RBFOX1: variants seen among roughly 807,000 people sequenced by gnomAD.
The protein encoded by RBFOX1 is RNA binding protein fox-1 homolog 1.
Under a neutral mutation model 57.7 loss-of-function variants are expected in RBFOX1, and 8 were observed. The ratio of observed to expected loss-of-function variants is 0.14; its 90% CI spans 0.08 to 0.25. The LOEUF (loss-of-function observed/expected upper bound fraction) is 0.25. Among genes scored for constraint, RBFOX1 ranks in the 10% least tolerant of loss-of-function variants. The probability of loss-of-function intolerance (pLI) is 1.00; values close to 1 mark genes in which losing one functional copy is unlikely to be tolerated. For missense variants in RBFOX1, 611 were observed against 548.5 expected, an observed-to-expected ratio of 1.11 and a Z score of -1.14; for synonymous variants, 326 against 222.4, an observed-to-expected ratio of 1.47 and a Z score of -4.15.
intron 3 of RBFOX1, among the ~76,000 whole-genome samples, chr16:5,785,042 T>C (rs2054453477): frequency 6.6e-6 from 1 of 152,216 alleles, no homozygotes; most frequent in Admixed American, 6.5e-5. Context: ...TGTGTCAACA[T>C]TGTTAGCCAT....
At position 5,339,470 on chromosome 16, in the gene RBFOX1, G is replaced by GTTTTTTTTTTTTTTTTTTT. The variant is rs560472298; in HGVS notation, c.219+99377_219+99395dup. ...AAAAGCTAGAAGCTGCTTTTTCCGTGTTTTTTTTTTTTTTTTTTTTTTTTT... is the reference window on the plus strand; with the variant it reads ...AAAAGCTAGAAGCTGCTTTTTCCGTGTTTTTTTTTTTTTTTTTTTTTTTTTTTTTTTTTTTTTTTTTTTT... On this transcript the variant is annotated intron_variant, in intron 1 of 2. Transcript: ENST00000585867. Among the ~76,000 whole-genome samples the GTTTTTTTTTTTTTTTTTTT allele has an allele frequency of 2.2e-3, 88 of 40,888 alleles. 29 individuals carry two copies. The highest frequency in any genetic ancestry group is 4.0e-3 in the South Asian group (2 of 498). 26.8% of individuals were successfully genotyped at this position (40,888 alleles called of 152,430 possible).
intron 1 of RBFOX1, among the ~76,000 whole-genome samples, chr16:5,409,250 C>G (rs1314177527): frequency 1.3e-5 from 2 of 152,196 alleles, no homozygotes; most frequent in African/African-American, 4.8e-5. Flanking sequence ...CTGTGTGTGG[C>G]TGCGATGGAC....
chr16:6,795,945 A>T (rs1460854878), intron 3 of RBFOX1, among the ~76,000 whole-genome samples: 1 of 152,154 alleles, frequency 6.6e-6, no homozygotes, highest in African/African-American at 2.4e-5. Context: ...ACATTGAGAA[A>T]CATTGGGATA....
At chr16:7,305,170 T>G (rs2096148809) in intron 4 of RBFOX1, among the ~76,000 whole-genome samples, 1 of 151,910 alleles carries the variant, frequency 6.6e-6, no homozygotes, top group African/African-American at 2.4e-5. Context: ...TTCTCCTTAG[T>G]GGTCTTGCTG....
At chr16:5,991,052 T>A (rs2060385215) in intron 4 of RBFOX1, among the ~76,000 whole-genome samples, 2 of 152,206 alleles carry the variant, frequency 1.3e-5, no homozygotes, top group South Asian at 4.1e-4. Context: ...AATGGAAAAT[T>A]CTTGTGAAAC....
At chr16:5,762,356 GAAA>G (rs35715399) in intron 3 of RBFOX1, among the ~76,000 whole-genome samples, 5 of 145,770 alleles carry the variant, frequency 3.4e-5, no homozygotes, top group African/African-American at 7.5e-5. Flanking sequence ...CGAACAAAAA[GAAA>G]AAAAAAAAAA....
rs148057576 is a variant in RBFOX1 at position 7,367,520 on chromosome 16, C to G, written c.28-150627C>G. On this transcript the variant is annotated intron_variant, in intron 4 of 15. Coordinates refer to ENST00000550418, the MANE Select transcript of RBFOX1 (RefSeq NM_018723.4). ...AGAAGTGACCCTCTGCCTATATCAT[C>G]GTGAAACATCTCTTCCAGGTTTGCA... Among the ~76,000 whole-genome samples the G allele has an allele frequency of 4.8e-3, 736 of 152,260 alleles. 6 individuals carry two copies. Among genetic ancestry groups the G allele is most frequent in the African/African-American group, 0.017 (692 of 41,550 alleles).
intron 2 of RBFOX1, among the ~76,000 whole-genome samples, chr16:6,381,181 A>G (rs1596371534): frequency 6.6e-6 from 1 of 152,146 alleles, no homozygotes; most frequent in South Asian, 2.1e-4. Context: ...TTTTTGTTGC[A>G]TTTTATTTTT....
chr16:5,827,832 G>A lies in RBFOX1; in HGVS notation c.319-39471G>A, dbSNP rs889397625. On this transcript the variant is annotated intron_variant, in intron 3 of 19. Coordinates refer to the RBFOX1 transcript ENST00000641259. ...ATTCATCCACTCACCCATCCACCTG[G>A]CCATCCATCCATCCACCCACCCACT... is the stretch of plus-strand genomic sequence containing the variant. Among the ~76,000 whole-genome samples the A allele has an allele frequency of 3.6e-4, 54 of 150,242 alleles. 1 individual carries two copies. The highest frequency in any genetic ancestry group is 2.7e-4 in the Admixed American group (4 of 15,084).
intron 4 of RBFOX1, among the ~76,000 whole-genome samples, chr16:7,233,553 C>G (rs931767247): frequency 7.9e-5 from 12 of 152,142 alleles, no homozygotes; most frequent in African/African-American, 2.7e-4. Context: ...GAAAATTTTA[C>G]AAAGTCTATT....
intron 4 of RBFOX1, among the ~76,000 whole-genome samples, chr16:7,253,745 C>T (rs1157495817): frequency 6.6e-6 from 1 of 152,184 alleles, no homozygotes; most frequent in Non-Finnish European, 1.5e-5. Context: ...TCTATGGAGC[C>T]TCTCGTTACT....
intron 3 of RBFOX1, among the ~76,000 whole-genome samples, chr16:6,730,254 C>G (rs979159335): frequency 2.6e-5 from 4 of 152,086 alleles, no homozygotes; most frequent in Non-Finnish European, 5.9e-5. Flanking sequence ...GATGGTAGAA[C>G]CGTACACCAG....
chr16:6,795,136 A>T (rs990834767), intron 3 of RBFOX1, among the ~76,000 whole-genome samples: 5 of 152,186 alleles, frequency 3.3e-5, no homozygotes, highest in African/African-American at 1.2e-4. Context: ...CAGAAAGCCA[A>T]GTTCTGTTGA....
chr16:7,180,801 C>A (rs1353721811), intron 4 of RBFOX1, among the ~76,000 whole-genome samples: 1 of 151,206 alleles, frequency 6.6e-6, no homozygotes, highest in Non-Finnish European at 1.5e-5. Flanking sequence ...TTATTTTAAG[C>A]ATCAAGGTTA....
intron 1 of RBFOX1, among the ~76,000 whole-genome samples, chr16:6,263,679 G>C (rs1010575314): frequency 6.6e-6 from 1 of 152,124 alleles, no homozygotes; most frequent in African/African-American, 2.4e-5. Flanking sequence ...TGGCATGGTA[G>C]TTGCTCCATT....
chr16:7,031,479 C>G (rs568698165), intron 3 of RBFOX1, among the ~76,000 whole-genome samples: 55 of 152,050 alleles, frequency 3.6e-4, no homozygotes, highest in Middle Eastern at 6.8e-3. Flanking sequence ...GCCTGTAGTT[C>G]TGGCTACTTG....
chr16:6,072,925 C>A (rs147268041), intron 1 of RBFOX1, among the ~76,000 whole-genome samples: 1 of 152,122 alleles, frequency 6.6e-6, no homozygotes, highest in Non-Finnish European at 1.5e-5. Flanking sequence ...TATGCCCAAG[C>A]TCATCAAATT....
intron 3 of RBFOX1, among the ~76,000 whole-genome samples, chr16:6,719,767 G>A (rs989785826): frequency 1.3e-5 from 2 of 151,948 alleles, no homozygotes; most frequent in African/African-American, 4.8e-5. Flanking sequence ...TTTTTAAAGT[G>A]CCAAATTCTT....
chr16:6,887,319 G>C (rs986179507), intron 3 of RBFOX1, among the ~76,000 whole-genome samples: 3 of 152,112 alleles, frequency 2.0e-5, no homozygotes, highest in Non-Finnish European at 1.5e-5. Flanking sequence ...TTTGATGGTG[G>C]GACAGGATGG....
Sources: allele counts gnomAD v4.1 joint callset (sites outside exome capture counted in the v4.1 genomes callset), GRCh38; gene constraint gnomAD v4.1.1; transcripts MANE v1.5; gene names NCBI Gene and HGNC (gene_info 2026-07-23, HGNC 2026-07-21).